CELF1: variants seen among roughly 807,000 people sequenced by gnomAD.
CELF1 encodes the protein 50 kDa nuclear polyadenylated RNA-binding protein.
Under a neutral mutation model 61.8 loss-of-function variants are expected in CELF1, and 10 were observed. That is an observed-to-expected ratio of 0.16 (90% CI 0.10 to 0.27). CELF1 has a LOEUF of 0.27. Among genes scored for constraint, CELF1 ranks in the 10% least tolerant of loss-of-function variants. The pLI is 1.00. For missense variants in CELF1, 380 were observed against 639.1 expected, an observed-to-expected ratio of 0.59 and a Z score of 4.37; for synonymous variants, 236 against 225.1, an observed-to-expected ratio of 1.05 and a Z score of -0.43.
intron 2 of CELF1, among the ~76,000 whole-genome samples, chr11:47,562,284 G>A (rs1189992198): frequency 2.0e-5 from 3 of 149,844 alleles, no homozygotes; most frequent in Non-Finnish European, 4.4e-5. Context: ...CCAGCACTTA[G>A]AGAGGCTGAG....
intron 1 of CELF1, among the ~76,000 whole-genome samples, chr11:47,530,873 T>G (rs948013814): frequency 2.6e-5 from 4 of 152,028 alleles, no homozygotes; most frequent in Non-Finnish European, 5.9e-5. Context: ...GAGGATTGCT[T>G]GAGCCCACGA....
At chr11:47,552,589 G>A (rs1015524597) in intron 1 of CELF1, among the ~76,000 whole-genome samples, 6 of 152,246 alleles carry the variant, frequency 3.9e-5, no homozygotes, top group African/African-American at 1.2e-4. Flanking sequence ...TGAGACGACA[G>A]GGGCAGAGAT....
At chr11:47,499,374 A>C in intron 3 of CELF1, 79 bp downstream of exon 3, 1 of 1,170,164 alleles carries the variant, frequency 8.5e-7, no homozygotes. Flanking sequence ...TTCTTAAAAA[A>C]AGGAACCAAT....
intron 1 of CELF1, among the ~76,000 whole-genome samples, chr11:47,525,522 G>A (rs1216942731): frequency 6.6e-6 from 1 of 152,172 alleles, no homozygotes. Context: ...ATGCTGCCCA[G>A]GCGGGTCTCA....
intron 1 of CELF1, among the ~76,000 whole-genome samples, chr11:47,513,333 T>C (rs2095345693): frequency 1.3e-5 from 2 of 152,244 alleles, no homozygotes; most frequent in South Asian, 4.1e-4. Context: ...TTCCCCAGTT[T>C]ATCTGGTGTA....
upstream of CELF1, among the ~76,000 whole-genome samples, chr11:47,558,045 C>T (rs947760332): frequency 6.6e-6 from 1 of 151,956 alleles, no homozygotes; most frequent in Non-Finnish European, 1.5e-5. Flanking sequence ...TTAGTAGAGA[C>T]AGGGTTTCAC....
In CELF1 at chr11:47,468,976, ACACT is replaced by A. The variant is rs1336684980; in HGVS notation, c.*3250_*3253del. The A allele has an allele frequency of 2.6e-5, 4 of 152,214 alleles. No individual in the cohort carries two copies. Among genetic ancestry groups the A allele is most frequent in the Non-Finnish European group, 5.9e-5 (4 of 68,040 alleles). 9.4% of individuals were successfully genotyped at this position (152,214 alleles called of 1,614,324 possible). On this transcript the variant is annotated 3_prime_UTR_variant, in exon 15 of 15. Coordinates refer to ENST00000687097, the MANE Select transcript of CELF1 (RefSeq NM_001376376.1). Reference sequence around the variant, plus strand: ...CCAAACAAAGAGAGAGAGAACAGGAACACTCACTGTGTGTACAGCCCTGAAATGA... The same window carrying A: ...CCAAACAAAGAGAGAGAGAACAGGAACACTGTGTGTACAGCCCTGAAATGA...
rs183346431 is a variant in CELF1, at chr11:47,526,656, A to C, written c.-153-25724T>G. ...TTGAATAAATTTTAAACCACTATTA[A>C]GAAAAAACAAAAACAAAAACCCTGT... On this transcript the variant is annotated intron_variant, in intron 1 of 14. Coordinates refer to ENST00000687097, the MANE Select transcript of CELF1 (RefSeq NM_001376376.1). Among the ~76,000 whole-genome samples the C allele has an allele frequency of 1.2e-3, 183 of 152,350 alleles. 1 individual carries two copies. Among genetic ancestry groups the C allele is most frequent in the Admixed American group, 0.012 (179 of 15,298 alleles).
At position 47,486,740 on chromosome 11, in the gene CELF1, A is replaced by G. The variant is rs747391508; in HGVS notation, c.391+10T>C. On this transcript the variant is annotated intron_variant, in intron 6 of 14. Transcript: ENST00000687097. ...AAATCTTAAGGGGAAGATTGTATAC[A>G]TTTGCTTACCATTGTTCTTCTCACT... The G allele has an allele frequency of 1.2e-6, 2 of 1,610,410 alleles. No homozygotes were observed. The highest frequency in any genetic ancestry group is 3.3e-5 in the Admixed American group (2 of 60,018).
chr11:47,489,937 T>TTTTG lies in CELF1; in HGVS notation c.72-914_72-913insCAAA, dbSNP rs1465575349. On this transcript the variant is annotated intron_variant, in intron 3 of 14. Coordinates refer to ENST00000687097, the MANE Select transcript of CELF1 (RefSeq NM_001376376.1). ...TTCCACTCAGAACATACCATCTTGT[T>TTTTG]TTTTTTTTTTTTTTTTTTGAGACGG... Among the ~76,000 whole-genome samples the TTTTG allele has an allele frequency of 1.0e-3, 106 of 103,806 alleles. 7 individuals carry two copies. The highest frequency in any genetic ancestry group is 3.8e-3 in the African/African-American group (103 of 27,084). 68.1% of individuals were successfully genotyped at this position (103,806 alleles called of 152,430 possible).
At chr11:47,499,989 T>C (rs1279260151) in intron 2 of CELF1, among the ~76,000 whole-genome samples, 1 of 152,114 alleles carries the variant, frequency 6.6e-6, no homozygotes, top group African/African-American at 2.4e-5. Flanking sequence ...ACCGAAGAAA[T>C]GGGTTGTTAG....
chr11:47,516,032 A>C (rs772375419), intron 1 of CELF1, among the ~76,000 whole-genome samples: 59 of 151,246 alleles, frequency 3.9e-4, no homozygotes, highest in Non-Finnish European at 8.0e-4. Flanking sequence ...GTGAAACCCT[A>C]TCTCTACTAA....
At chr11:47,530,024 A>T (rs2096411249) in intron 1 of CELF1, among the ~76,000 whole-genome samples, 2 of 152,198 alleles carry the variant, frequency 1.3e-5, no homozygotes, top group African/African-American at 4.8e-5. Flanking sequence ...ATAATTTTAA[A>T]GTGTCTGTTA....
chr11:47,507,610 C>G (rs1379332576), intron 1 of CELF1, among the ~76,000 whole-genome samples: 1 of 152,194 alleles, frequency 6.6e-6, no homozygotes. Flanking sequence ...CTACAAACTT[C>G]CAAATACAAC....
At chr11:47,480,996 TCAAAACAAAA>T (rs950039644) in intron 9 of CELF1, among the ~76,000 whole-genome samples, 3 of 149,444 alleles carry the variant, frequency 2.0e-5, no homozygotes, top group Non-Finnish European at 3.0e-5. Context: ...GAGCGAGGCT[TCAAAACAAAA>T]CAAAACAAAA....
chr11:47,482,219 T>C (rs1178280264), intron 9 of CELF1, among the ~76,000 whole-genome samples: 1 of 151,330 alleles, frequency 6.6e-6, no homozygotes, highest in African/African-American at 2.4e-5. Context: ...AATAAATAAA[T>C]AAATAAATAA....
At chr11:47,478,434 CAAG>C (rs1237727129) in intron 10 of CELF1, among the ~76,000 whole-genome samples, 1 of 152,206 alleles carries the variant, frequency 6.6e-6, no homozygotes, top group East Asian at 1.9e-4. Context: ...ACCTAAGAAA[CAAG>C]AAGATACACA....
intron 10 of CELF1, among the ~76,000 whole-genome samples, chr11:47,477,982 A>G (rs2081025258): frequency 6.6e-6 from 1 of 152,206 alleles, no homozygotes; most frequent in African/African-American, 2.4e-5. Context: ...AAGACTTCCA[A>G]GTAGAGCCCA....
intron 8 of CELF1, 47 bp from the exon 9 acceptor site, chr11:47,482,903 G>A (rs1348685471): frequency 1.2e-5 from 18 of 1,558,560 alleles, no homozygotes; most frequent in Admixed American, 1.0e-4. Context: ...CATCTGAAAA[G>A]AAGAAAAAAA....
Sources: gnomAD v4.1 joint callset for allele counts (sites outside exome capture counted in the v4.1 genomes callset) on GRCh38, gnomAD v4.1.1 for gene constraint, MANE v1.5 for transcripts, NCBI Gene and HGNC (gene_info 2026-07-23, HGNC 2026-07-21) for gene names.